Variants in IFI16 observed in about 807,000 individuals in gnomAD.
IFI16 encodes interferon gamma inducible protein 16, also known as gamma-interferon-inducible protein 16.
Under a neutral mutation model 68.4 loss-of-function variants are expected in IFI16, and 49 were observed. That is an observed-to-expected ratio of 0.72 (90% CI 0.57 to 0.91). The LOEUF is 0.91. IFI16 is among the 40% of genes least tolerant of loss of function. IFI16 has a pLI of 0.00. For missense variants in IFI16, 878 were observed against 942.9 expected (o/e 0.93, Z 0.90); for synonymous variants, 307 against 315.0 (o/e 0.97, Z 0.27).
intron 7 of IFI16, among the ~76,000 whole-genome samples, chr1:159,033,519 G>A (rs1434241779): frequency 2.0e-5 from 3 of 152,110 alleles, no homozygotes; most frequent in Non-Finnish European, 4.4e-5. Flanking sequence ...CCTGATGTAC[G>A]TTATCTCATT....
At chr1:159,013,508 C>T (rs778813127) in intron 1 of IFI16, among the ~76,000 whole-genome samples, 1 of 152,106 alleles carries the variant, frequency 6.6e-6, no homozygotes, top group Non-Finnish European at 1.5e-5. Flanking sequence ...TGGTTATACA[C>T]AAAGACATCA....
At chr1:159,018,188 A>G (rs369391813) in intron 4 of IFI16, 41 bp from the exon 5 acceptor site, 4 of 1,550,352 alleles carry the variant, frequency 2.6e-6, no homozygotes, top group African/African-American at 2.7e-5. Context: ...GTATTTCTCA[A>G]TTAGACATTT....
chr1:159,033,892 A>G (rs1418298487), intron 7 of IFI16, among the ~76,000 whole-genome samples: 2 of 152,226 alleles, frequency 1.3e-5, no homozygotes, highest in African/African-American at 4.8e-5. Flanking sequence ...TGCATTTTCT[A>G]TATTAAATAT....
At position 159,048,537 on chromosome 1, in the gene IFI16, G is replaced by T. The variant is rs544544364; in HGVS notation, c.1498-895G>T. Among the ~76,000 whole-genome samples the T allele has an allele frequency of 2.6e-5, 4 of 151,530 alleles. No individual in the cohort carries two copies. The East Asian group carries it at 7.7e-4, about 29-fold the overall frequency. ...TTGAAAATACAGTGTTTTGTTTGGGGTTTATTTCCATAGTCCAGGTGCTCA... is the reference window on the plus strand; with the variant it reads ...TTGAAAATACAGTGTTTTGTTTGGGTTTTATTTCCATAGTCCAGGTGCTCA... On this transcript the variant is annotated intron_variant, in intron 8 of 11. Transcript: ENST00000295809.
rs552594901 is a variant in IFI16 at position 159,050,389 on chromosome 1, T to C, written c.1665+790T>C. On this transcript the variant is annotated intron_variant, in intron 9 of 11. Transcript: ENST00000295809. ...TAGCTTTATAATTATTTCCTTAGGT[T>C]CTGTGCACCTTGTGTCAGGGTACTG... is the stretch of plus-strand genomic sequence containing the variant. Among the ~76,000 whole-genome samples the C allele has an allele frequency of 3.9e-5, 6 of 152,344 alleles. No individual in the cohort carries two copies. The East Asian group carries it at 1.2e-3, about 29-fold the overall frequency.
In IFI16 at chr1:159,015,947, C is replaced by A. The variant is rs770613302; in HGVS notation, c.341C>A (p.Thr114Asn). 3.9e-5 allele frequency: 63 copies of A among 1,614,134 alleles called. No individual in the cohort carries two copies. Among genetic ancestry groups the A allele is most frequent in the Non-Finnish European group, 5.3e-5 (62 of 1,179,966 alleles). ...TCACCTGCACCCTCCACAAGCAGCA[C>A]TGTCAAAACTGAAGGAGCAGAGGCA... ...ATSPAPSTSS[T>N]VKTEGAEATP... is the part of the protein sequence containing the mutation. Residue 114 changes from threonine to asparagine, a missense_variant, in exon 3 of 12, where the codon ACT becomes AAT. Thr to Asn is a moderately conservative substitution (Grantham distance 65, BLOSUM62 0). This residue lies in a region of IFI16 where 443 missense variants were observed against 421.8 expected (regional missense o/e 1.05). Transcript: ENST00000295809.
intron 6 of IFI16, among the ~76,000 whole-genome samples, chr1:159,028,306 A>C (rs888382049): frequency 5.9e-5 from 9 of 152,062 alleles, no homozygotes; most frequent in Non-Finnish European, 1.3e-4. Flanking sequence ...TTTAATTTCC[A>C]TGTATTTGCA....
At chr1:159,028,218 T>C (rs1653788609) in intron 6 of IFI16, among the ~76,000 whole-genome samples, 1 of 152,196 alleles carries the variant, frequency 6.6e-6, no homozygotes. Context: ...TGTTTCTCTA[T>C]TATCATTCAT....
In IFI16 at chr1:159,041,796, G is replaced by GC. The variant is rs1423967119; in HGVS notation, c.1330-3500dup. 2.6e-5 allele frequency among the ~76,000 whole-genome samples: 4 copies of GC among 152,234 alleles called. No individual in the cohort carries two copies. The East Asian group carries it at 7.7e-4, about 29-fold the overall frequency. On this transcript the variant is annotated intron_variant, in intron 7 of 11. Transcript: ENST00000295809. ...GTTATGTCAGTATCTAGACACATTA[G>GC]CAGAGGGAAGAGCCTATAAAAAGGG...
chr1:159,014,764 A>C lies in IFI16; in HGVS notation c.84A>C (p.Leu28Phe), dbSNP rs977688014. The change falls in exon 2 of 12, where the codon TTA (leucine) becomes TTC (phenylalanine). Residue 28 changes from leucine (L) to phenylalanine (F), a missense_variant. Transcript: ENST00000295809. ...NDYHFRMVKSLLSNDLKLNLK... is the reference protein window; with the variant it reads ...NDYHFRMVKSFLSNDLKLNLK... ...ATCATTTTAGAATGGTTAAGTCCTT[A>C]CTGAGCAACGATTTAAAACTTAATT... 1.3e-5 allele frequency: 21 copies of C among 1,611,578 alleles called. No individual in the cohort carries two copies. In the East Asian group the frequency reaches 4.7e-4, roughly 36 times the overall value.
At chr1:159,005,005 C>CA (rs1274420335), upstream of IFI16, among the ~76,000 whole-genome samples, 1 of 152,180 alleles carries the variant, frequency 6.6e-6, no homozygotes, top group Non-Finnish European at 1.5e-5. Context: ...GTACCCAATG[C>CA]AACAGTGTTG....
intron 7 of IFI16, among the ~76,000 whole-genome samples, chr1:159,042,772 A>G (rs1018603456): frequency 9.9e-5 from 15 of 152,110 alleles, no homozygotes; most frequent in Non-Finnish European, 1.5e-4. Flanking sequence ...CTAGGGGAAG[A>G]CAACACAGGG....
At chr1:159,011,170 C>G (rs1335346085) in intron 1 of IFI16, among the ~76,000 whole-genome samples, 1 of 152,058 alleles carries the variant, frequency 6.6e-6, no homozygotes, top group Non-Finnish European at 1.5e-5. Context: ...GATCACTTGA[C>G]GTCAGGAGTT....
intron 11 of IFI16, 100 bp downstream of exon 11, chr1:159,053,824 G>A: frequency 3.4e-6 from 3 of 876,966 alleles, no homozygotes; most frequent in Non-Finnish European, 3.5e-6. Flanking sequence ...TCTAGCAAGT[G>A]GAAAAGGAAC....
chr1:159,022,474 G>A (rs1293283447), intron 6 of IFI16, among the ~76,000 whole-genome samples: 1 of 152,154 alleles, frequency 6.6e-6, no homozygotes, highest in Non-Finnish European at 1.5e-5. Flanking sequence ...CCACCCTCCT[G>A]CTGCGTTCGG....
At chr1:159,036,177 G>A (rs1654321420) in intron 7 of IFI16, among the ~76,000 whole-genome samples, 1 of 152,112 alleles carries the variant, frequency 6.6e-6, no homozygotes, top group South Asian at 2.1e-4. Flanking sequence ...ACTAGGTGCT[G>A]GTTTTAAAAC....
In IFI16 at chr1:159,018,527, G is replaced by A. The variant is rs777583398; in HGVS notation, c.848G>A (p.Gly283Asp). Residue 283 changes from glycine (G) to aspartate (D), a missense_variant, in exon 5 of 12, where the codon GGT becomes GAT. By Grantham distance (94) the Gly-to-Asp change is moderately conservative (BLOSUM62 -1). Around this residue, in one of 4 missense-constraint regions of IFI16, gnomAD observed 443 missense variants for 421.8 expected, o/e 1.05. Coordinates refer to ENST00000295809, the MANE Select transcript of IFI16 (RefSeq NM_001376587.1). The part of the protein sequence containing the change: ...VNEESTVSEA[G>D]PNQTFEVPNK... ...GAAGAATCTACTGTATCTGAAGCTG[G>A]TCCTAACCAAACGTTTGAGGTTCCA... 2 of 1,614,032 alleles carry A rather than the reference G, an allele frequency of 1.2e-6. No homozygotes were observed. Among genetic ancestry groups the A allele is most frequent in the Non-Finnish European group, 1.7e-6 (2 of 1,179,896 alleles).
At chr1:159,041,383 A>C (rs564343398) in intron 7 of IFI16, among the ~76,000 whole-genome samples, 2 of 152,206 alleles carry the variant, frequency 1.3e-5, no homozygotes, top group African/African-American at 4.8e-5. Context: ...AGCAAGGGCA[A>C]CATAATCCTG....
chr1:159,035,738 G>A (rs1654286764), intron 7 of IFI16, among the ~76,000 whole-genome samples: 1 of 115,254 alleles, frequency 8.7e-6, no homozygotes, highest in Admixed American at 1.0e-4. Flanking sequence ...AAAACAAACA[G>A]GCTATTCTTA....
Sources: allele counts gnomAD v4.1 joint callset (sites outside exome capture counted in the v4.1 genomes callset), GRCh38; gene constraint gnomAD v4.1.1; regional missense constraint gnomAD v4.1.1; transcripts MANE v1.5; gene names NCBI Gene and HGNC (gene_info 2026-07-23, HGNC 2026-07-21).